Variants in DNMT3L observed in about 807,000 individuals in gnomAD.
DNMT3L encodes DNA (cytosine-5)-methyltransferase 3-like.
Under a neutral mutation model 36.2 loss-of-function variants are expected in DNMT3L, and 33 were observed. The ratio of observed to expected loss-of-function variants is 0.91; its 90% CI spans 0.69 to 1.22. DNMT3L has a LOEUF of 1.22. Ranked by LOEUF, DNMT3L falls within the 50% of genes most tolerant of loss-of-function variation. DNMT3L has a pLI of 0.00. For synonymous variants in DNMT3L, 117 were observed against 121.7 expected, an observed-to-expected ratio of 0.96 and a Z score of 0.26; for missense variants, 310 against 303.1, an observed-to-expected ratio of 1.02 and a Z score of -0.17.
At chr21:44,256,974 A>G (rs2040264250) in intron 6 of DNMT3L, among the ~76,000 whole-genome samples, 1 of 148,658 alleles carries the variant, frequency 6.7e-6, no homozygotes, top group South Asian at 2.1e-4. Flanking sequence ...TGTGAGCTGG[A>G]GGCCAGTGCA....
Position 44,260,782 on chromosome 21 carries a change from T to G in DNMT3L, c.151+13A>C, listed in dbSNP as rs370648505. On this transcript the variant is annotated intron_variant, in intron 3 of 11. Coordinates refer to ENST00000628202, the MANE Select transcript of DNMT3L (RefSeq NM_175867.3). ...CTCTTTTGTCTGGTGTGGGCCAGTA[T>G]GCAAACACTCACCTTCTATATTTCG... is the stretch of plus-strand genomic sequence containing the variant. 1.4e-5 allele frequency: 23 copies of G among 1,613,140 alleles called. No homozygotes were observed. The highest frequency in any genetic ancestry group is 6.6e-5 in the South Asian group (6 of 91,088).
intron 8 of DNMT3L, among the ~76,000 whole-genome samples, chr21:44,254,332 T>C (rs1319710603): frequency 6.6e-6 from 1 of 152,222 alleles, no homozygotes; most frequent in Non-Finnish European, 1.5e-5. Context: ...CCAACTGCCC[T>C]GCTCTGAGCT....
At chr21:44,257,231 T>C (rs1358749204) in intron 6 of DNMT3L, among the ~76,000 whole-genome samples, 3 of 151,978 alleles carry the variant, frequency 2.0e-5, no homozygotes, top group South Asian at 4.1e-4. Context: ...AGTACAGAAT[T>C]AGCCGGGTGT....
intron 6 of DNMT3L, among the ~76,000 whole-genome samples, chr21:44,257,477 C>T (rs150584792): frequency 6.6e-6 from 1 of 151,562 alleles, no homozygotes; most frequent in Non-Finnish European, 1.5e-5. Flanking sequence ...GTCAGGAGAT[C>T]GAGACCATCC....
chr21:44,257,660 G>A (rs1188266290), intron 6 of DNMT3L, among the ~76,000 whole-genome samples: 6 of 141,740 alleles, frequency 4.2e-5, no homozygotes, highest in Non-Finnish European at 6.1e-5. Context: ...CAGCCTGGGC[G>A]ACAGAGCGAG....
Position 44,258,374 on chromosome 21 carries a change from A to C in DNMT3L, c.516+149T>G. The C allele has an allele frequency of 8.5e-7, 1 of 1,182,794 alleles. No homozygotes were observed. Among genetic ancestry groups the C allele is most frequent in the East Asian group, 2.7e-5 (1 of 36,620 alleles). The allele number at this position is 1,182,794 out of a possible 1,614,324, so 73.3% of individuals were successfully genotyped here. A position where few individuals can be genotyped will look rare whatever the true frequency, so the allele number is the denominator to read the frequency against. Reference sequence around the variant, plus strand: ...AAGCCACCATCGAGTGGAAGCCACTATCGGAGAGGAACCCAGGAAAGAGTG... The same window carrying C: ...AAGCCACCATCGAGTGGAAGCCACTCTCGGAGAGGAACCCAGGAAAGAGTG... On this transcript the variant is annotated intron_variant, in intron 6 of 11. Transcript: ENST00000628202. The surrounding 1 kb of genome is among the most constrained non-coding windows in gnomAD (Gnocchi z 6.2).
At position 44,254,699 on chromosome 21, in the gene DNMT3L, G is replaced by A. The variant is rs201337963; in HGVS notation, c.611C>T (p.Thr204Met). ...ACCACTTTCCAAAAAGCCCAAACTC[G>A]TCAGCTCTGGATGGGGAGAGACCAG... is the stretch of plus-strand genomic sequence containing the variant. ...SLFEDIKKEL[T>M]SLGFLESGSD... The change falls in exon 8 of 12, where the codon ACG becomes ATG. Residue 204 changes from threonine to methionine, a missense_variant. Coordinates refer to ENST00000628202, the MANE Select transcript of DNMT3L (RefSeq NM_175867.3). 200 of 1,613,900 alleles carry A rather than the reference G, an allele frequency of 1.2e-4. 2 individuals are homozygous for A. The East Asian group carries it at 2.7e-3, about 22-fold the overall frequency.
At position 44,260,919 on chromosome 21, in the gene DNMT3L, C is replaced by T; in HGVS notation, c.107-80G>A. 4 of 1,605,664 alleles carry T rather than the reference C, an allele frequency of 2.5e-6. No homozygotes were observed. In the South Asian group the frequency reaches 4.4e-5, roughly 18 times the overall value. Reference sequence around the variant, plus strand: ...AAATTCGGCCAGGAAGTGAGCATCACAATTCGTTTTCCAAAGTCACAGGAG... The same window carrying T: ...AAATTCGGCCAGGAAGTGAGCATCATAATTCGTTTTCCAAAGTCACAGGAG... On this transcript the variant is annotated intron_variant, in intron 2 of 11. Transcript: ENST00000628202.
Position 44,260,838 on chromosome 21 carries a change from A to C in DNMT3L, c.108T>G (p.Asp36Glu). 1 of 1,613,158 alleles carries C rather than the reference A, an allele frequency of 6.2e-7. No homozygotes were observed. Among genetic ancestry groups the C allele is most frequent in the Non-Finnish European group, 8.5e-7 (1 of 1,179,924 alleles). Residue 36 changes from aspartate (D) to glutamate (E), a missense_variant and splice_region_variant, in exon 3 of 12, where the codon GAT becomes GAG. Coordinates refer to ENST00000628202, the MANE Select transcript of DNMT3L (RefSeq NM_175867.3). ...TAGCCTTGACTTCATATGCAATAAG[A>C]TCTGGAAAGGAAGATAAGAAGTAGC... ...SSSVSPGTGR[D>E]LIAYEVKANQ...
chr21:44,257,384 A>T (rs2040268146), intron 6 of DNMT3L, among the ~76,000 whole-genome samples: 1 of 151,682 alleles, frequency 6.6e-6, no homozygotes, highest in African/African-American at 2.4e-5. Flanking sequence ...TCTCAAAAAT[A>T]AAAAAATAAA....
chr21:44,261,340 C>T (rs573402251), intron 1 of DNMT3L, 74 bp from the exon 2 acceptor site: 17 of 1,418,394 alleles, frequency 1.2e-5, no homozygotes, highest in East Asian at 6.9e-5. Flanking sequence ...CACCCCAGCA[C>T]GGGAAGCAGC....
chr21:44,259,177 G>A (rs2146358874), intron 5 of DNMT3L, among the ~76,000 whole-genome samples: 1 of 152,264 alleles, frequency 6.6e-6, no homozygotes, highest in African/African-American at 2.4e-5. Flanking sequence ...GCAGCCTGGG[G>A]TGTGGGGTTT....
rs551905287 is a variant in DNMT3L at position 44,258,437 on chromosome 21, C to A, written c.516+86G>T. 1.4e-6 allele frequency: 2 copies of A among 1,454,138 alleles called. No homozygotes were observed. The highest frequency in any genetic ancestry group is 1.8e-6 in the Non-Finnish European group (2 of 1,096,256). 90.1% of individuals were successfully genotyped at this position (1,454,138 alleles called of 1,614,324 possible). The stretch of plus-strand genomic sequence containing the variant: ...GCTGCAGCCGTGGTGCCCGTCGGCG[C>A]GCCTGCATTCTGCAGCGGGAACCGA... On this transcript the variant is annotated intron_variant, in intron 6 of 11. Transcript: ENST00000628202. The surrounding 1 kb of genome is among the most constrained non-coding windows in gnomAD (Gnocchi z 6.2).
At chr21:44,256,410 G>C (rs565306281) in intron 6 of DNMT3L, among the ~76,000 whole-genome samples, 1 of 149,066 alleles carries the variant, frequency 6.7e-6, no homozygotes, top group African/African-American at 2.5e-5. Flanking sequence ...GGTGTGGAGG[G>C]GTTTGCTGAT....
At chr21:44,255,994 G>T (rs2070563) in intron 7 of DNMT3L, 73 bp downstream of exon 7, 356,136 of 1,517,556 alleles carry the variant, frequency 0.23, 45,037 homozygotes, top group Admixed American at 0.4. Flanking sequence ...GGAGTCCCGG[G>T]GGGTGGCCTG....
chr21:44,258,638 A>G lies in DNMT3L; in HGVS notation c.401T>C (p.Val134Ala). Residue 134 changes from valine to alanine, a missense_variant, in exon 6 of 12, where the codon GTG becomes GCG. Transcript: ENST00000628202. The surrounding 1 kb of genome is among the most constrained non-coding windows in gnomAD (Gnocchi z 6.2). ...GCACACCCAGTTGCTCATGGCGTGC[A>G]CCTTCCCCGAGGTCCCGGGGCCGAC... ...SLVGPGTSGK[V>A]HAMSNWVCYL... 3 of 1,612,862 alleles carry G rather than the reference A, an allele frequency of 1.9e-6. No homozygotes were observed. The highest frequency in any genetic ancestry group is 2.5e-6 in the Non-Finnish European group (3 of 1,179,960).
rs991197978 is a variant in DNMT3L at position 44,258,169 on chromosome 21, C to G, written c.516+354G>C. On this transcript the variant is annotated intron_variant, in intron 6 of 11. Transcript: ENST00000628202. This position sits in a 1 kb window ranked among gnomAD's most constrained non-coding sequence, Gnocchi z 6.2. ...TTGTCTGAGGTTCCTGCCGGCCCCC[C>G]TGGCTCCTCGGCTGGACTCCCAAAA... 6.6e-6 allele frequency among the ~76,000 whole-genome samples: 1 copy of G among 152,196 alleles called. No homozygotes were observed. The highest frequency in any genetic ancestry group is 2.4e-5 in the African/African-American group (1 of 41,448).
At chr21:44,259,149 T>C (rs931113168) in intron 5 of DNMT3L, among the ~76,000 whole-genome samples, 4 of 152,076 alleles carry the variant, frequency 2.6e-5, no homozygotes, top group African/African-American at 9.7e-5. Flanking sequence ...ATACCCCTTG[T>C]CACCCCGGTC....
chr21:44,261,429 G>A (rs966478831), intron 1 of DNMT3L, among the ~76,000 whole-genome samples, 163 bp from the exon 2 acceptor site: 1 of 152,238 alleles, frequency 6.6e-6, no homozygotes, highest in Non-Finnish European at 1.5e-5. Context: ...GGGATGAGGG[G>A]CAGGACAGCC....
Sources: allele counts gnomAD v4.1 joint callset (sites outside exome capture counted in the v4.1 genomes callset), GRCh38; gene constraint gnomAD v4.1.1; non-coding constraint Gnocchi (gnomAD v3.1); transcripts MANE v1.5; gene names NCBI Gene and HGNC (gene_info 2026-07-23, HGNC 2026-07-21).